ALK: variants seen among roughly 807,000 people sequenced by gnomAD.
ALK encodes ALK tyrosine kinase receptor.
ALK carries 74 observed loss-of-function variants against 163.1 expected under a neutral mutation model. The observed-to-expected ratio is 0.45, with a 90% CI of 0.38 to 0.55. The LOEUF (loss-of-function observed/expected upper bound fraction) is 0.55. Among genes scored for constraint, ALK ranks in the 20% least tolerant of loss-of-function variants. The pLI is 0.00. For missense variants in ALK, 2,063 were observed against 2,105.3 expected, an observed-to-expected ratio of 0.98 and a Z score of 0.39; for synonymous variants, 960 against 843.2, an observed-to-expected ratio of 1.14 and a Z score of -2.40.
intron 1 of ALK, chr2:29,890,754 C>G (rs754101973): frequency 6.6e-6 from 1 of 152,212 alleles, no homozygotes; most frequent in Admixed American, 6.5e-5. Flanking sequence ...ATCTAAGAAC[C>G]AAGGTCTCCT....
chr2:29,909,454 T>C (rs76275906), intron 1 of ALK, among the ~76,000 whole-genome samples: 3,054 of 131,612 alleles, frequency 0.023, 97 homozygotes, highest in African/African-American at 0.08. Flanking sequence ...TAGACACACA[T>C]ACACACACAG....
At chr2:29,852,924 A>G (rs1666040807) in intron 1 of ALK, among the ~76,000 whole-genome samples, 1 of 151,864 alleles carries the variant, frequency 6.6e-6, no homozygotes, top group Non-Finnish European at 1.5e-5. Context: ...CTAAGTAGGA[A>G]GCAGCCATCA....
At chr2:29,862,394 C>T (rs561412026) in intron 1 of ALK, among the ~76,000 whole-genome samples, 25 of 152,158 alleles carry the variant, frequency 1.6e-4, no homozygotes, top group Non-Finnish European at 2.8e-4. Context: ...CATATGAAAA[C>T]CCTAAAGATT....
intron 4 of ALK, among the ~76,000 whole-genome samples, chr2:29,454,418 T>C (rs986222173): frequency 4.6e-5 from 7 of 152,360 alleles, no homozygotes; most frequent in East Asian, 1.9e-4. Context: ...TGTGATGCTA[T>C]ATTTTAATTT....
intron 1 of ALK, among the ~76,000 whole-genome samples, chr2:29,830,608 C>A (rs1053438887): frequency 2.0e-5 from 3 of 150,178 alleles, no homozygotes; most frequent in Non-Finnish European, 3.0e-5. Context: ...GTGGCTCGTA[C>A]CTGTAATCCC....
intron 3 of ALK, among the ~76,000 whole-genome samples, chr2:29,534,919 A>G (rs1673213186): frequency 6.6e-6 from 1 of 152,204 alleles, no homozygotes. Context: ...CAACCGGACT[A>G]TCAATAAGCG....
At chr2:29,580,205 C>T (rs1475522951) in intron 3 of ALK, among the ~76,000 whole-genome samples, 1 of 152,146 alleles carries the variant, frequency 6.6e-6, no homozygotes, top group East Asian at 1.9e-4. Context: ...CAACCGCTGC[C>T]CTGCCAGTCA....
At chr2:29,818,450 C>T (rs1664955913) in intron 1 of ALK, among the ~76,000 whole-genome samples, 2 of 152,216 alleles carry the variant, frequency 1.3e-5, no homozygotes, top group Admixed American at 1.3e-4. Flanking sequence ...CAAAATGAGA[C>T]GTTAGAGGAA....
intron 26 of ALK, among the ~76,000 whole-genome samples, chr2:29,199,551 T>C (rs1471232890): frequency 6.6e-6 from 1 of 152,352 alleles, no homozygotes; most frequent in East Asian, 1.9e-4. Context: ...TCCTTACCCA[T>C]TGACTCACGA....
intron 3 of ALK, among the ~76,000 whole-genome samples, chr2:29,664,264 G>C (rs1321739485): frequency 6.6e-6 from 1 of 152,028 alleles, no homozygotes; most frequent in African/African-American, 2.4e-5. Flanking sequence ...ATTTTTCATG[G>C]GATTATGAAA....
At chr2:29,556,324 G>T (rs115552113) in intron 3 of ALK, among the ~76,000 whole-genome samples, 1 of 152,192 alleles carries the variant, frequency 6.6e-6, no homozygotes, top group African/African-American at 2.4e-5. Context: ...CTATGGAGAA[G>T]TCTCACGGAG....
At chr2:29,685,959 C>T (rs1013748632) in intron 3 of ALK, among the ~76,000 whole-genome samples, 47 of 152,210 alleles carry the variant, frequency 3.1e-4, no homozygotes, top group African/African-American at 1.0e-3. Flanking sequence ...CTCTCTCTGA[C>T]CTGTGCTTCC....
At chr2:29,724,269 ACAAT>A (rs1485377418) in intron 1 of ALK, among the ~76,000 whole-genome samples, 5 of 152,226 alleles carry the variant, frequency 3.3e-5, no homozygotes, top group Admixed American at 6.5e-5. Context: ...CAACAATAAA[ACAAT>A]CAGTGACAGT....
chr2:29,239,726 A>G lies in ALK; in HGVS notation c.2309T>C (p.Met770Thr). Residue 770 changes from methionine (M) to threonine (T), a missense_variant, in exon 13 of 29, where the codon ATG (methionine) becomes ACG (threonine). Around this residue, in one of 5 missense-constraint regions of ALK, gnomAD observed 575 missense variants for 626.6 expected, o/e 0.92. Coordinates refer to ENST00000389048, the MANE Select transcript of ALK (RefSeq NM_004304.5). ...LGIFNLEKDD[M>T]LYILVGQQGE... ...CTGCTGCCCAACCAGGATGTACAGC[A>G]TGTCATCCTTCTCCAGGTTGAAGAT... 6.2e-7 allele frequency: 1 copy of G among 1,614,080 alleles called. No homozygotes were observed. The highest frequency in any genetic ancestry group is 8.5e-7 in the Non-Finnish European group (1 of 1,180,030).
At chr2:29,313,343 C>A (rs1302050889) in intron 8 of ALK, among the ~76,000 whole-genome samples, 1 of 152,158 alleles carries the variant, frequency 6.6e-6, no homozygotes, top group Non-Finnish European at 1.5e-5. Flanking sequence ...ATGAGGCCCA[C>A]CCAATGAACA....
intron 4 of ALK, among the ~76,000 whole-genome samples, chr2:29,460,893 G>T (rs1671069622): frequency 6.6e-6 from 1 of 152,160 alleles, no homozygotes; most frequent in African/African-American, 2.4e-5. Context: ...AGCTGAGACA[G>T]ACCAAAAGCT....
In ALK at chr2:29,193,438, A is replaced by G. The variant is rs1668930030; in HGVS notation, c.4649T>C (p.Leu1550Pro). The change falls in exon 29 of 29, where the codon CTT (leucine) becomes CCT (proline). Residue 1550 changes from leucine (L) to proline (P), a missense_variant. Transcript: ENST00000389048. ...TVPPNVATGR[L>P]PGASLLLEPS... ...CTCTAGGAGCAGTGAGGCCCCCGGA[A>G]GTCTCCCAGTTGCAACGTTAGGTGG... 6.2e-7 allele frequency: 1 copy of G among 1,614,174 alleles called. No homozygotes were observed. Among genetic ancestry groups the G allele is most frequent in the Middle Eastern group, 1.6e-4 (1 of 6,062 alleles).
At chr2:29,456,940 G>A (rs1317314498) in intron 4 of ALK, among the ~76,000 whole-genome samples, 1 of 152,122 alleles carries the variant, frequency 6.6e-6, no homozygotes, top group South Asian at 2.1e-4. Flanking sequence ...AAGTGGCCAC[G>A]CACATAAAGA....
At position 29,225,584 on chromosome 2, in the gene ALK, T is replaced by G. The variant is rs1663953876; in HGVS notation, c.3068-19A>C. 1.9e-6 allele frequency: 3 copies of G among 1,597,592 alleles called. No homozygotes were observed. The African/African-American group carries it at 4.0e-5, about 21-fold the overall frequency. ...GGTGACACTGGAAGACAGGTCCCAC[T>G]GGGGTATTGACAACCACACCAGGTC... On this transcript the variant is annotated intron_variant, in intron 18 of 28. Coordinates refer to ENST00000389048, the MANE Select transcript of ALK (RefSeq NM_004304.5).
Sources: allele counts gnomAD v4.1 joint callset (sites outside exome capture counted in the v4.1 genomes callset), GRCh38; gene constraint gnomAD v4.1.1; regional missense constraint gnomAD v4.1.1; transcripts MANE v1.5; gene names NCBI Gene and HGNC (gene_info 2026-07-23, HGNC 2026-07-21).